Variants in CRYBG3 observed in about 807,000 individuals in gnomAD.
The protein encoded by CRYBG3 is very large A-kinase anchor protein.
In CRYBG3, 127 loss-of-function variants were observed where a neutral mutation model predicts 244.2. The ratio of observed to expected loss-of-function variants is 0.52; its 90% CI spans 0.45 to 0.60. The LOEUF is 0.60. Ranked by LOEUF, CRYBG3 falls within the 20% of genes least tolerant of loss-of-function variation. The probability of loss-of-function intolerance (pLI) is 0.00; values close to 1 mark genes in which losing one functional copy is unlikely to be tolerated. For missense variants in CRYBG3, 3,325 were observed against 3,442.5 expected (o/e 0.97, Z 0.85); for synonymous variants, 1,132 against 1,195.8 (o/e 0.95, Z 1.10).
chr3:97,897,052 C>A (rs1218551438), intron 12 of CRYBG3, among the ~76,000 whole-genome samples: 1 of 151,754 alleles, frequency 6.6e-6, no homozygotes, highest in Non-Finnish European at 1.5e-5. Flanking sequence ...AATTTTTATT[C>A]CTTGACTTCC....
chr3:97,863,600 A>G lies in CRYBG3; in HGVS notation c.217-617A>G, dbSNP rs550366465. On this transcript the variant is annotated intron_variant, in intron 2 of 21. Transcript: ENST00000389622. ...TCCTCATCTTCTTGAATAATGTTTC[A>G]TATTGTGCCAGCTTTATGGGTTAAC... 2.6e-5 allele frequency among the ~76,000 whole-genome samples: 4 copies of G among 152,168 alleles called. No individual in the cohort carries two copies. The East Asian group carries it at 7.7e-4, about 29-fold the overall frequency.
chr3:97,873,229 TCTC>T lies in CRYBG3; in HGVS notation c.2038_2040del (p.Pro680del). 3 of 1,535,668 alleles carry T rather than the reference TCTC, an allele frequency of 2.0e-6. No individual in the cohort carries two copies. In the East Asian group the frequency reaches 7.3e-5, roughly 38 times the overall value. ...TATTCCTGATTTAATGAATGAGGGTTCTCCTGTGCCCATTGAAACTGGGAATGT... is the reference window on the plus strand; with the variant it reads ...TATTCCTGATTTAATGAATGAGGGTTCTGTGCCCATTGAAACTGGGAATGT... On this transcript the variant is annotated inframe_deletion, in exon 4 of 22. Transcript: ENST00000389622.
At position 97,898,980 on chromosome 3, in the gene CRYBG3, T is replaced by C. The variant is rs1207319731; in HGVS notation, c.7799T>C (p.Ile2600Thr). The C allele has an allele frequency of 1.2e-6, 2 of 1,613,270 alleles. No homozygotes were observed. Among genetic ancestry groups the C allele is most frequent in the Admixed American group, 1.7e-5 (1 of 59,904 alleles). Residue 2600 changes from isoleucine (I) to threonine (T), a missense_variant, in exon 13 of 22, where the codon ATT becomes ACT. This residue lies in a region of CRYBG3 where 714 missense variants were observed against 803.6 expected (regional missense o/e 0.89). Coordinates refer to ENST00000389622, the MANE Select transcript of CRYBG3 (RefSeq NM_153605.4). ...CAGGAAATTTCTGATTTGGAAGAAA[T>C]TGGCTTTGGCAGTAAAACAAGATCC... ...TNQEISDLEE[I>T]GFGSKTRSIH...
intron 7 of CRYBG3, among the ~76,000 whole-genome samples, chr3:97,881,576 C>T (rs1046103123): frequency 2.0e-5 from 3 of 151,046 alleles, no homozygotes; most frequent in Admixed American, 6.6e-5. Context: ...ATTGGCCGGG[C>T]GTGGTGGTGC....
chr3:97,910,022 G>C lies in CRYBG3; in HGVS notation c.8005-2145G>C, dbSNP rs1176457505. Among the ~76,000 whole-genome samples, 5 of 151,602 alleles carry C rather than the reference G, an allele frequency of 3.3e-5. 1 individual carries two copies. The highest frequency in any genetic ancestry group is 6.6e-5 in the Admixed American group (1 of 15,248). The stretch of plus-strand genomic sequence containing the variant: ...ATACCCTGCCGTGTGAGGTGTCAGT[G>C]TGCCCCTGCCTGGGGGTGCCTCCCA... On this transcript the variant is annotated intron_variant, in intron 15 of 21. Coordinates refer to ENST00000389622, the MANE Select transcript of CRYBG3 (RefSeq NM_153605.4).
chr3:97,909,651 A>G (rs1216639442), intron 15 of CRYBG3, among the ~76,000 whole-genome samples: 4 of 151,632 alleles, frequency 2.6e-5, no homozygotes, highest in Non-Finnish European at 5.9e-5. Flanking sequence ...ACATTCTTCT[A>G]AATTTTTTTC....
At position 97,877,690 on chromosome 3, in the gene CRYBG3, G is replaced by A. The variant is rs1162763941; in HGVS notation, c.6496G>A (p.Gly2166Arg). 6.2e-7 allele frequency: 1 copy of A among 1,613,934 alleles called. No individual in the cohort carries two copies. Among genetic ancestry groups the A allele is most frequent in the Non-Finnish European group, 8.5e-7 (1 of 1,180,000 alleles). The change falls in exon 4 of 22, where the codon GGA becomes AGA. Residue 2166 changes from glycine to arginine, a missense_variant. By Grantham distance (125) the Gly-to-Arg change is moderately radical. Coordinates refer to ENST00000389622, the MANE Select transcript of CRYBG3 (RefSeq NM_153605.4). ...ATTGCATAAAGGAGATCTGAGAGCT[G>A]GAAGTGGGGAGCGTGTTACCTTCCA... The part of the protein sequence containing the change: ...AVLHKGDLRA[G>R]SGERVTFQLP...
intron 1 of CRYBG3, among the ~76,000 whole-genome samples, chr3:97,831,464 G>A (rs1008124061): frequency 2.6e-5 from 4 of 152,126 alleles, no homozygotes; most frequent in East Asian, 1.9e-4. Flanking sequence ...GACAAAAGAC[G>A]AAGGTGGGAT....
chr3:97,919,717 A>T (rs975858682), intron 17 of CRYBG3, among the ~76,000 whole-genome samples: 8 of 149,530 alleles, frequency 5.4e-5, no homozygotes, highest in African/African-American at 1.8e-4. Flanking sequence ...AAATGATTAA[A>T]AAAAAAAAAA....
In CRYBG3 at chr3:97,943,464, G is replaced by A. The variant is rs1200932728; in HGVS notation, c.*150G>A. ...ATTTTCTCCAGCCTCTGAGACTATCGCTCTTAACCATGGAAAAGCTCAAAA... is the reference window on the plus strand; with the variant it reads ...ATTTTCTCCAGCCTCTGAGACTATCACTCTTAACCATGGAAAAGCTCAAAA... On this transcript the variant is annotated 3_prime_UTR_variant, in exon 22 of 22. Coordinates refer to ENST00000389622, the MANE Select transcript of CRYBG3 (RefSeq NM_153605.4). The A allele has an allele frequency of 2.7e-5, 16 of 599,104 alleles. No homozygotes were observed. The highest frequency in any genetic ancestry group is 1.3e-4 in the East Asian group (4 of 31,204). The allele number at this position is 599,104 out of a possible 1,614,324, so 37.1% of individuals were successfully genotyped here.
At chr3:97,834,190 G>T (rs2038697149) in intron 1 of CRYBG3, among the ~76,000 whole-genome samples, 1 of 152,096 alleles carries the variant, frequency 6.6e-6, no homozygotes, top group South Asian at 2.1e-4. Flanking sequence ...AATCAGATAT[G>T]CTTTATAAGT....
chr3:97,856,605 G>A (rs2039068748), intron 2 of CRYBG3, among the ~76,000 whole-genome samples: 1 of 152,118 alleles, frequency 6.6e-6, no homozygotes, highest in Non-Finnish European at 1.5e-5. Context: ...ACGTTCTTCT[G>A]CCATGGCTTC....
At position 97,857,193 on chromosome 3, in the gene CRYBG3, G is replaced by A. The variant is rs910593222; in HGVS notation, c.217-7024G>A. On this transcript the variant is annotated intron_variant, in intron 2 of 21. Coordinates refer to ENST00000389622, the MANE Select transcript of CRYBG3 (RefSeq NM_153605.4). ...TTGTACAGTTTCCAAAATTTCTTTTGTTATTGATTTCTAGTGTTATTCCAT... is the reference window on the plus strand; with the variant it reads ...TTGTACAGTTTCCAAAATTTCTTTTATTATTGATTTCTAGTGTTATTCCAT... 5.9e-5 allele frequency among the ~76,000 whole-genome samples: 9 copies of A among 151,850 alleles called. No homozygotes were observed. In the East Asian group the frequency reaches 1.2e-3, roughly 20 times the overall value.
intron 1 of CRYBG3, among the ~76,000 whole-genome samples, chr3:97,839,217 G>A (rs1306086514): frequency 6.6e-6 from 1 of 152,116 alleles, no homozygotes; most frequent in African/African-American, 2.4e-5. Flanking sequence ...GGTCTCTCAT[G>A]AAGCTTGAGG....
At position 97,944,838 on chromosome 3, in the gene CRYBG3, A is replaced by G. The variant is rs999114420; in HGVS notation, c.*1524A>G. ...AATTGTTTGAAATTTTTCTAGAGCC[A>G]AAGAAGCTCTTTAAAGAAGTTGTTT... On this transcript the variant is annotated 3_prime_UTR_variant, in exon 22 of 22. Transcript: ENST00000389622. 1 of 167,018 alleles carries G rather than the reference A, an allele frequency of 6.0e-6. No homozygotes were observed. The highest frequency in any genetic ancestry group is 1.3e-5 in the Non-Finnish European group (1 of 77,972). The allele number at this position is 167,018 out of a possible 1,614,324, so 10.3% of individuals were successfully genotyped here. A position where few individuals can be genotyped will look rare whatever the true frequency, so the allele number is the denominator to read the frequency against.
intron 1 of CRYBG3, among the ~76,000 whole-genome samples, chr3:97,840,974 A>C (rs986189404): frequency 6.6e-6 from 1 of 152,092 alleles, no homozygotes; most frequent in African/African-American, 2.4e-5. Flanking sequence ...CTGAATTGTA[A>C]ACAGCCTTTT....
chr3:97,887,879 A>G (rs1462111025), intron 8 of CRYBG3, among the ~76,000 whole-genome samples: 3 of 152,310 alleles, frequency 2.0e-5, no homozygotes, highest in Non-Finnish European at 2.9e-5. Flanking sequence ...TGGGAATCCA[A>G]TTGCAAATAC....
chr3:97,875,208 T>C lies in CRYBG3; in HGVS notation c.4014T>C (p.Ala1338=). 1.3e-6 allele frequency: 2 copies of C among 1,533,308 alleles called. No individual in the cohort carries two copies. The highest frequency in any genetic ancestry group is 1.7e-6 in the Non-Finnish European group (2 of 1,146,044). The allele number at this position is 1,533,308 out of a possible 1,614,324, so 95.0% of individuals were successfully genotyped here. A position where few individuals can be genotyped will look rare whatever the true frequency, so the allele number is the denominator to read the frequency against. Residue 1338 remains alanine, a synonymous_variant, in exon 4 of 22, where the codon GCT becomes GCC. Transcript: ENST00000389622. Reference sequence around the variant, plus strand: ...ATACTTGGGATTCTGAACTTCAGGCTAATACTTCAAAAATTCTGAACAGTG... The same window carrying C: ...ATACTTGGGATTCTGAACTTCAGGCCAATACTTCAAAAATTCTGAACAGTG... ...TEDTWDSELQ[A]NTSKILNSDS... is the part of the protein sequence containing the mutation.
chr3:97,834,212 G>C (rs559706329), intron 1 of CRYBG3, among the ~76,000 whole-genome samples: 1 of 151,982 alleles, frequency 6.6e-6, no homozygotes, highest in Non-Finnish European at 1.5e-5. Context: ...CTGATTTCAC[G>C]TAAGCTGTTG....
Sources: gnomAD v4.1 joint callset for allele counts (sites outside exome capture counted in the v4.1 genomes callset) on GRCh38, gnomAD v4.1.1 for gene constraint, gnomAD v4.1.1 regional missense constraint, MANE v1.5 for transcripts, NCBI Gene and HGNC (gene_info 2026-07-23, HGNC 2026-07-21) for gene names.